The following LIPI variants were observed in gnomAD, a reference collection of about 807,000 sequenced individuals.
LIPI encodes lipase I.
Under a neutral mutation model 50.6 loss-of-function variants are expected in LIPI, and 59 were observed. The ratio of observed to expected loss-of-function variants is 1.16; its 90% CI spans 0.94 to 1.45. The LOEUF is 1.45. Ranked by LOEUF, LIPI falls within the 40% of genes most tolerant of loss-of-function variation. The pLI, the probability that LIPI is intolerant of heterozygous loss-of-function variation, is 0.00. For synonymous variants in LIPI, 203 were observed against 178.2 expected (o/e 1.14, Z -1.11); for missense variants, 586 against 536.3 (o/e 1.09, Z -0.92).
At chr21:14,203,613 T>G (rs2020136177) in intron 1 of LIPI, among the ~76,000 whole-genome samples, 1 of 152,000 alleles carries the variant, frequency 6.6e-6, no homozygotes, top group Non-Finnish European at 1.5e-5. Flanking sequence ...ATGTTCTCAC[T>G]CATAGGTGGG....
intron 1 of LIPI, chr21:14,206,667 A>T: frequency 1.7e-6 from 1 of 590,608 alleles, no homozygotes; most frequent in Non-Finnish European, 3.0e-6. Flanking sequence ...TTTCTGGAAA[A>T]AAAACGGATT....
Position 14,118,593 on chromosome 21 carries a change from C to T in LIPI, c.1296-9513G>A, listed in dbSNP as rs998950475. On this transcript the variant is annotated intron_variant, in intron 9 of 9. Coordinates refer to ENST00000681601, the MANE Select transcript of LIPI (RefSeq NM_001302998.2). ...AGAAAGGTTATGGTATTAACACTCA[C>T]AATCCCCAAAACAGATGAATGGAGA... is the stretch of plus-strand genomic sequence containing the variant. 1.2e-4 allele frequency among the ~76,000 whole-genome samples: 19 copies of T among 152,300 alleles called. 2 individuals are homozygous for T. The highest frequency in any genetic ancestry group is 1.2e-3 in the South Asian group (6 of 4,820).
chr21:14,193,840 A>G (rs2019757504), intron 1 of LIPI, among the ~76,000 whole-genome samples: 2 of 152,166 alleles, frequency 1.3e-5, no homozygotes, highest in Admixed American at 6.5e-5. Context: ...AACAAAGTAA[A>G]AAGGCAACCC....
intron 1 of LIPI, among the ~76,000 whole-genome samples, chr21:14,202,831 A>T (rs2020104074): frequency 6.6e-6 from 1 of 151,882 alleles, no homozygotes; most frequent in Admixed American, 6.6e-5. Context: ...AAACTGACAA[A>T]TGGGATCTAA....
intron 4 of LIPI, among the ~76,000 whole-genome samples, chr21:14,167,654 C>A (rs2018739906): frequency 6.6e-6 from 1 of 152,182 alleles, no homozygotes; most frequent in Non-Finnish European, 1.5e-5. Context: ...AGCTGAGGGT[C>A]CTGTCTGTTA....
chr21:14,109,205 G>C, intron 9 of LIPI, 125 bp from the exon 10 acceptor site: 1 of 747,076 alleles, frequency 1.3e-6, no homozygotes, highest in Non-Finnish European at 2.3e-6. Context: ...TAAATGTAGG[G>C]AGTTGGAACA....
chr21:14,188,233 G>A (rs2019522963), intron 2 of LIPI, among the ~76,000 whole-genome samples: 1 of 152,140 alleles, frequency 6.6e-6, no homozygotes, highest in Non-Finnish European at 1.5e-5. Flanking sequence ...TTCAAATCCT[G>A]AGCAGACTTG....
At chr21:14,130,368 T>G (rs1159171402) in intron 9 of LIPI, among the ~76,000 whole-genome samples, 1 of 152,058 alleles carries the variant, frequency 6.6e-6, no homozygotes, top group Non-Finnish European at 1.5e-5. Context: ...AAAAGTGAAA[T>G]GTGAAAGATT....
intron 9 of LIPI, among the ~76,000 whole-genome samples, chr21:14,139,308 A>G (rs1307538732): frequency 1.3e-5 from 2 of 152,164 alleles, no homozygotes; most frequent in Non-Finnish European, 2.9e-5. Flanking sequence ...CAAGATGGCA[A>G]TTTCAGTATA....
chr21:14,201,796 C>T (rs985000996), intron 1 of LIPI, among the ~76,000 whole-genome samples: 35 of 152,162 alleles, frequency 2.3e-4, no homozygotes, highest in African/African-American at 8.4e-4. Flanking sequence ...TGCCCTCTCT[C>T]ACCAATCCTA....
chr21:14,194,718 A>G (rs968853551), intron 1 of LIPI, among the ~76,000 whole-genome samples: 3 of 152,170 alleles, frequency 2.0e-5, no homozygotes, highest in Admixed American at 6.5e-5. Flanking sequence ...GAAAGATAAA[A>G]AATTCTGGCG....
intron 1 of LIPI, 36 bp from the exon 2 acceptor site, chr21:14,189,455 G>T: frequency 6.3e-7 from 1 of 1,589,196 alleles, no homozygotes; most frequent in Non-Finnish European, 8.6e-7. Context: ...CTGAGTACTG[G>T]GATAGTATTT....
intron 1 of LIPI, among the ~76,000 whole-genome samples, chr21:14,196,126 G>GGT (rs1555860359): frequency 2.2e-5 from 3 of 136,676 alleles, no homozygotes; most frequent in African/African-American, 8.1e-5. Context: ...AGTTCGTAGC[G>GGT]TTTTTTTTTT....
At chr21:14,184,531 G>A (rs1286192981) in intron 3 of LIPI, among the ~76,000 whole-genome samples, 1 of 151,900 alleles carries the variant, frequency 6.6e-6, no homozygotes, top group Non-Finnish European at 1.5e-5. Flanking sequence ...TAGAAAAAAA[G>A]TAAAATATAA....
chr21:14,145,189 T>C (rs929346312), intron 8 of LIPI, among the ~76,000 whole-genome samples: 1 of 152,046 alleles, frequency 6.6e-6, no homozygotes, highest in African/African-American at 2.4e-5. Context: ...TCAAATATTT[T>C]TGACCTAGAG....
intron 9 of LIPI, among the ~76,000 whole-genome samples, chr21:14,128,460 G>T (rs1195330714): frequency 6.6e-6 from 1 of 151,980 alleles, no homozygotes; most frequent in Non-Finnish European, 1.5e-5. Flanking sequence ...ATCAACTCTG[G>T]ATTTCTATTT....
chr21:14,122,774 G>A (rs191558915), intron 9 of LIPI, among the ~76,000 whole-genome samples: 116 of 152,238 alleles, frequency 7.6e-4, no homozygotes, highest in African/African-American at 2.5e-3. Context: ...TACCTTTTTG[G>A]ACTAAAGGAC....
intron 4 of LIPI, among the ~76,000 whole-genome samples, chr21:14,172,380 G>A (rs937916255): frequency 6.6e-6 from 1 of 152,166 alleles, no homozygotes; most frequent in Non-Finnish European, 1.5e-5. Flanking sequence ...TATACCCAAA[G>A]GACTATAAAT....
chr21:14,174,495 C>A (rs2019025518), intron 4 of LIPI, among the ~76,000 whole-genome samples: 1 of 151,702 alleles, frequency 6.6e-6, no homozygotes, highest in African/African-American at 2.4e-5. Flanking sequence ...CTCTCTGTCC[C>A]CTAATCGCTA....
Sources: gnomAD v4.1 joint callset for allele counts (sites outside exome capture counted in the v4.1 genomes callset) on GRCh38, gnomAD v4.1.1 for gene constraint, MANE v1.5 for transcripts, NCBI Gene and HGNC (gene_info 2026-07-23, HGNC 2026-07-21) for gene names.